The following BLTP1 variants were observed in gnomAD, a reference collection of about 807,000 sequenced individuals.
BLTP1 encodes the protein fragile site-associated protein.
chr4:122,333,980 C>T, the BLTP1 span, among the ~76,000 whole-genome samples: 1 of 151,998 alleles, frequency 6.6e-6, no homozygotes, highest in East Asian at 1.9e-4. Context: ...GTTCCCACTT[C>T]ATTTATGTAG....
At chr4:122,153,100 T>C in the BLTP1 span, 9 of 909,390 alleles carry the variant, frequency 9.9e-6, no homozygotes, top group Non-Finnish European at 1.2e-5. Flanking sequence ...GAATTTCCTA[T>C]TGGTCAAAGG....
the BLTP1 span, chr4:122,362,465 A>G: frequency 2.7e-6 from 1 of 376,198 alleles, no homozygotes; most frequent in East Asian, 4.9e-5. Context: ...ATTAAAATAT[A>G]TAACTGCTTG....
At chr4:122,246,902 A>G in the BLTP1 span, 1 of 1,522,404 alleles carries the variant, frequency 6.6e-7, no homozygotes. Flanking sequence ...TACATTTCTA[A>G]GAATGTAATG....
the BLTP1 span, chr4:122,209,203 T>C: frequency 3.7e-6 from 6 of 1,613,144 alleles, no homozygotes; most frequent in Non-Finnish European, 5.1e-6. Flanking sequence ...ACTGCCACCC[T>C]AGTAAATATT....
At chr4:122,189,859 T>C in the BLTP1 span, 2 of 1,298,724 alleles carry the variant, frequency 1.5e-6, no homozygotes, top group African/African-American at 3.0e-5. Context: ...TGTTTTTCTT[T>C]CTTTTCAGGA....
At chr4:122,162,402 CA>C in the BLTP1 span, 236 of 344,484 alleles carry the variant, frequency 6.9e-4, 1 homozygote, top group Non-Finnish European at 8.8e-4. Context: ...ATATTTGTTT[CA>C]GAGGAGCCAT....
At chr4:122,206,449 C>T in the BLTP1 span, among the ~76,000 whole-genome samples, 9 of 151,958 alleles carry the variant, frequency 5.9e-5, no homozygotes, top group South Asian at 4.1e-4. Context: ...CACTTCTCTT[C>T]GAGTGCAATT....
the BLTP1 span, chr4:122,261,150 T>A: frequency 8.9e-6 from 3 of 338,456 alleles, no homozygotes; most frequent in Non-Finnish European, 8.4e-6. Context: ...TATGGCTCTT[T>A]TAGTTAAAAC....
At chr4:122,255,269 G>A in the BLTP1 span, 1 of 1,598,432 alleles carries the variant, frequency 6.3e-7, no homozygotes, top group Non-Finnish European at 8.6e-7. Flanking sequence ...CTCCATCATT[G>A]ATGATGCTAC....
the BLTP1 span, among the ~76,000 whole-genome samples, chr4:122,217,576 A>G: frequency 6.6e-5 from 10 of 152,112 alleles, no homozygotes; most frequent in African/African-American, 1.7e-4. Context: ...CCACTTGATC[A>G]TGGTGAATTA....
At chr4:122,164,018 T>G in the BLTP1 span, among the ~76,000 whole-genome samples, 1 of 152,188 alleles carries the variant, frequency 6.6e-6, no homozygotes. Flanking sequence ...CATTTTACAC[T>G]CAAGGCTATC....
At chr4:122,260,991 T>G in the BLTP1 span, among the ~76,000 whole-genome samples, 1 of 152,168 alleles carries the variant, frequency 6.6e-6, no homozygotes, top group East Asian at 1.9e-4. Context: ...TAAATATGTA[T>G]GTACTTATAT....
the BLTP1 span, among the ~76,000 whole-genome samples, chr4:122,302,543 T>C: frequency 3.9e-5 from 6 of 152,196 alleles, no homozygotes; most frequent in African/African-American, 1.4e-4. Context: ...CAATGTAGGA[T>C]AGCAAACTAA....
chr4:122,172,122 G>A, the BLTP1 span: 8 of 283,724 alleles, frequency 2.8e-5, no homozygotes, highest in East Asian at 1.1e-3. Flanking sequence ...CACTTGCTAT[G>A]TCAAAGCTAT....
the BLTP1 span, chr4:122,353,798 T>G: frequency 6.2e-7 from 1 of 1,601,176 alleles, no homozygotes; most frequent in Non-Finnish European, 8.5e-7. This position sits in a 1 kb window ranked among gnomAD's most constrained non-coding sequence, Gnocchi z 4.3. Flanking sequence ...AAAAAAGTAT[T>G]TTTATTTTGT....
chr4:122,239,655 ACTG>A, the BLTP1 span: 1 of 1,614,128 alleles, frequency 6.2e-7, no homozygotes, highest in Non-Finnish European at 8.5e-7. Context: ...TAAGAGTCTT[ACTG>A]CTGCTTTCTA....
At chr4:122,356,059 C>T in the BLTP1 span, 4 of 1,180,452 alleles carry the variant, frequency 3.4e-6, no homozygotes, top group Non-Finnish European at 3.5e-6. Flanking sequence ...GCTGTGTTCC[C>T]ATGGATTTTT....
the BLTP1 span, among the ~76,000 whole-genome samples, chr4:122,165,851 G>T: frequency 4.0e-5 from 6 of 149,238 alleles, no homozygotes; most frequent in Admixed American, 1.4e-4. Context: ...TCATGTGTCT[G>T]TTGGCTGCAT....
the BLTP1 span, among the ~76,000 whole-genome samples, chr4:122,277,339 A>T: frequency 6.6e-6 from 1 of 152,122 alleles, no homozygotes; most frequent in Non-Finnish European, 1.5e-5. Flanking sequence ...ACCCCATCTT[A>T]AAAAACAAAT....
Sources: gnomAD v4.1 joint callset for allele counts (sites outside exome capture counted in the v4.1 genomes callset) on GRCh38, gnomAD v4.1.1 for gene constraint, Gnocchi (gnomAD v3.1) non-coding constraint, MANE v1.5 for transcripts, NCBI Gene and HGNC (gene_info 2026-07-23, HGNC 2026-07-21) for gene names.